SLC24A2: variants seen among roughly 807,000 people sequenced by gnomAD.
SLC24A2 encodes the protein sodium/potassium/calcium exchanger 2.
A neutral mutation model predicts 62.0 loss-of-function variants in SLC24A2; 36 were observed. The ratio of observed to expected loss-of-function variants is 0.58; its 90% CI spans 0.44 to 0.77. SLC24A2 has a LOEUF of 0.77. Ranked by LOEUF, SLC24A2 falls within the 30% of genes least tolerant of loss-of-function variation. The pLI, the probability that SLC24A2 is intolerant of heterozygous loss-of-function variation, is 0.00. For synonymous variants in SLC24A2, 358 were observed against 294.0 expected (o/e 1.22, Z -2.23); for missense variants, 846 against 817.9 (o/e 1.03, Z -0.42).
intron 2 of SLC24A2, among the ~76,000 whole-genome samples, chr9:19,731,678 C>G (rs909700232): frequency 2.0e-5 from 3 of 152,180 alleles, no homozygotes; most frequent in Non-Finnish European, 4.4e-5. Context: ...TAGATTTCTG[C>G]CGTTTAAGCC....
At chr9:19,570,238 C>T (rs1183016402) in intron 7 of SLC24A2, among the ~76,000 whole-genome samples, 2 of 152,232 alleles carry the variant, frequency 1.3e-5, no homozygotes, top group Non-Finnish European at 1.5e-5. Context: ...GGCTCCAGTT[C>T]TATCCTCTTT....
chr9:20,207,664 T>C, the SLC24A2 span, among the ~76,000 whole-genome samples: 2,447 of 152,324 alleles, frequency 0.016, 80 homozygotes, highest in African/African-American at 0.055. Context: ...CTTTAAATGT[T>C]AGACTGAACT....
the SLC24A2 span, among the ~76,000 whole-genome samples, chr9:19,855,430 T>C: frequency 5.9e-5 from 9 of 152,174 alleles, no homozygotes; most frequent in Admixed American, 5.2e-4. Context: ...TTGATAATGG[T>C]TTTTCCTTTC....
the SLC24A2 span, among the ~76,000 whole-genome samples, chr9:19,883,261 G>A: frequency 1.3e-5 from 2 of 152,138 alleles, no homozygotes; most frequent in Non-Finnish European, 2.9e-5. Flanking sequence ...TCCCAATGGT[G>A]ACTCATTGAA....
chr9:20,074,633 G>A, the SLC24A2 span, among the ~76,000 whole-genome samples: 1 of 131,288 alleles, frequency 7.6e-6, no homozygotes, highest in African/African-American at 2.8e-5. Flanking sequence ...GAGGGAGGGA[G>A]GGACGGGAAG....
At chr9:19,838,779 A>C in the SLC24A2 span, among the ~76,000 whole-genome samples, 7 of 151,820 alleles carry the variant, frequency 4.6e-5, no homozygotes, top group South Asian at 1.0e-3. Context: ...AAAAAAAAAA[A>C]AAAAACCCTA....
At chr9:19,562,815 C>T (rs1422878436) in intron 7 of SLC24A2, among the ~76,000 whole-genome samples, 1 of 152,098 alleles carries the variant, frequency 6.6e-6, no homozygotes, top group Non-Finnish European at 1.5e-5. Context: ...TTGAAAAATC[C>T]AATCTAGGCT....
chr9:20,251,394 A>G, the SLC24A2 span, among the ~76,000 whole-genome samples: 1 of 152,092 alleles, frequency 6.6e-6, no homozygotes, highest in Non-Finnish European at 1.5e-5. Flanking sequence ...AACTCAGATT[A>G]AAGCTATGCT....
the SLC24A2 span, among the ~76,000 whole-genome samples, chr9:19,838,455 C>CCACACACACACACA: frequency 6.9e-6 from 1 of 144,756 alleles, no homozygotes; most frequent in Non-Finnish European, 1.5e-5. Context: ...AGACCTAAAA[C>CCACACACACACACA]CACACACACA....
At chr9:19,706,884 A>C (rs1253153751) in intron 2 of SLC24A2, among the ~76,000 whole-genome samples, 2 of 151,990 alleles carry the variant, frequency 1.3e-5, no homozygotes, top group Non-Finnish European at 2.9e-5. Flanking sequence ...AAGCTAGCGG[A>C]AGGCAAGAAA....
At chr9:19,850,627 C>T in the SLC24A2 span, among the ~76,000 whole-genome samples, 1 of 152,042 alleles carries the variant, frequency 6.6e-6, no homozygotes, top group Admixed American at 6.6e-5. Context: ...TCTTCCCTCC[C>T]ATCCCAGCCT....
chr9:19,898,994 T>C, the SLC24A2 span, among the ~76,000 whole-genome samples: 193 of 152,282 alleles, frequency 1.3e-3, 2 homozygotes, highest in East Asian at 0.036. Flanking sequence ...CTGCTGCAGC[T>C]ACCACTAGGC....
the SLC24A2 span, among the ~76,000 whole-genome samples, chr9:20,185,796 G>T: frequency 6.6e-6 from 1 of 152,128 alleles, no homozygotes; most frequent in Non-Finnish European, 1.5e-5. Flanking sequence ...AAAGTTTGTA[G>T]AGACTGGAAG....
At chr9:19,903,082 C>G in the SLC24A2 span, among the ~76,000 whole-genome samples, 2 of 151,192 alleles carry the variant, frequency 1.3e-5, no homozygotes, top group Admixed American at 1.3e-4. Flanking sequence ...TTCTTTAACT[C>G]CCATTATCAG....
the SLC24A2 span, among the ~76,000 whole-genome samples, chr9:19,796,127 G>A: frequency 4.5e-4 from 57 of 126,960 alleles, no homozygotes; most frequent in African/African-American, 1.6e-3. Flanking sequence ...GTTGTGGGGT[G>A]GGGGGAGGGG....
intron 8 of SLC24A2, among the ~76,000 whole-genome samples, chr9:19,534,892 T>C (rs997405535): frequency 1.3e-5 from 2 of 151,800 alleles, no homozygotes; most frequent in Non-Finnish European, 2.9e-5. Flanking sequence ...GATTGCTGGG[T>C]CAAATGGTAT....
At chr9:19,937,893 G>A in the SLC24A2 span, among the ~76,000 whole-genome samples, 2 of 152,094 alleles carry the variant, frequency 1.3e-5, no homozygotes, top group Non-Finnish European at 2.9e-5. Flanking sequence ...TGCACAGAAA[G>A]TCAAATATAA....
At chr9:19,973,503 G>A in the SLC24A2 span, among the ~76,000 whole-genome samples, 3 of 152,174 alleles carry the variant, frequency 2.0e-5, no homozygotes, top group Non-Finnish European at 2.9e-5. Context: ...GTAGATAGAC[G>A]TGGGCGTTGG....
At chr9:19,727,704 T>C (rs1821211979) in intron 2 of SLC24A2, among the ~76,000 whole-genome samples, 1 of 152,218 alleles carries the variant, frequency 6.6e-6, no homozygotes, top group Non-Finnish European at 1.5e-5. Flanking sequence ...AAAGAACTTT[T>C]TAAAATTAAT....
Sources: gnomAD v4.1 joint callset for allele counts (sites outside exome capture counted in the v4.1 genomes callset) on GRCh38, gnomAD v4.1.1 for gene constraint, MANE v1.5 for transcripts, NCBI Gene and HGNC (gene_info 2026-07-23, HGNC 2026-07-21) for gene names.